Variants in RBBP8 observed in about 807,000 individuals in gnomAD.
RBBP8 encodes RB binding protein 8, endonuclease, also known as DNA endonuclease RBBP8.
Under a neutral mutation model 108.3 loss-of-function variants are expected in RBBP8, and 88 were observed. The observed-to-expected ratio is 0.81, with a 90% confidence interval of 0.68 to 0.97. RBBP8 has a LOEUF of 0.97. RBBP8 is among the 50% of genes least tolerant of loss of function. The pLI is 0.00. For missense variants in RBBP8, 1,023 were observed against 1,049.0 expected (o/e 0.98, Z 0.34); for synonymous variants, 332 against 348.2 (o/e 0.95, Z 0.52).
At chr18:23,018,101 G>C (rs2046292183) in intron 17 of RBBP8, among the ~76,000 whole-genome samples, 2 of 151,258 alleles carry the variant, frequency 1.3e-5, no homozygotes, top group Admixed American at 6.6e-5. Flanking sequence ...GCCTAGGCTG[G>C]AGCACAATAG....
At chr18:22,976,151 T>C (rs1914482518) in intron 6 of RBBP8, among the ~76,000 whole-genome samples, 1 of 152,146 alleles carries the variant, frequency 6.6e-6, no homozygotes, top group Admixed American at 6.5e-5. Flanking sequence ...ATCTCACAAG[T>C]AGAATTATCA....
At chr18:23,005,952 C>T (rs1039046608) in intron 15 of RBBP8, among the ~76,000 whole-genome samples, 12 of 151,686 alleles carry the variant, frequency 7.9e-5, no homozygotes, top group African/African-American at 2.9e-4. Flanking sequence ...TTTGGGAGGC[C>T]GAGGCGGGCG....
intron 8 of RBBP8, among the ~76,000 whole-genome samples, chr18:22,988,389 A>T (rs1208712922): frequency 6.6e-6 from 1 of 152,220 alleles, no homozygotes; most frequent in Non-Finnish European, 1.5e-5. Flanking sequence ...TTTGACTTCT[A>T]GCAGTCAAAC....
At chr18:22,920,840 C>T (rs2144335469) in intron 3 of RBBP8, 1 of 152,246 alleles carries the variant, frequency 6.6e-6, no homozygotes, top group Non-Finnish European at 1.5e-5. Context: ...GTTGGTAGAT[C>T]CTAGGAGAGC....
At chr18:22,975,078 A>T in intron 5 of RBBP8, 75 bp from the exon 6 acceptor site, 1 of 1,463,416 alleles carries the variant, frequency 6.8e-7, no homozygotes, top group East Asian at 2.5e-5. Flanking sequence ...ACATGCTGAC[A>T]TATTTTATTT....
intron 16 of RBBP8, among the ~76,000 whole-genome samples, chr18:23,006,692 G>C (rs550696813): frequency 6.6e-6 from 1 of 152,128 alleles, no homozygotes; most frequent in Non-Finnish European, 1.5e-5. Context: ...TGTAGAGACA[G>C]GGTTTCACCA....
rs775829815 is a variant in RBBP8 at position 23,022,111 on chromosome 18, AC to A, written c.2455-16del. 7.6e-6 allele frequency: 12 copies of A among 1,568,732 alleles called. No homozygotes were observed. The highest frequency in any genetic ancestry group is 8.8e-6 in the Non-Finnish European group (10 of 1,139,022). Reference sequence around the variant, plus strand: ...TTATTATTCTTTAGTGAAAAAACTTACCAGTTTTTATTATTAGTATTATGCA... The same window carrying A: ...TTATTATTCTTTAGTGAAAAAACTTACAGTTTTTATTATTAGTATTATGCA... On this transcript the variant is annotated splice_polypyrimidine_tract_variant and intron_variant, in intron 17 of 18. Transcript: ENST00000327155.
intron 15 of RBBP8, among the ~76,000 whole-genome samples, chr18:23,003,793 T>C (rs1332105941): frequency 6.6e-6 from 1 of 152,094 alleles, no homozygotes; most frequent in East Asian, 1.9e-4. Flanking sequence ...TAGAAAATGA[T>C]ATGAAGATTC....
intron 4 of RBBP8, among the ~76,000 whole-genome samples, chr18:22,963,222 GT>G (rs780310849): frequency 1.3e-5 from 2 of 150,032 alleles, no homozygotes; most frequent in African/African-American, 2.4e-5. Context: ...TGACTTAGGT[GT>G]TTTTTTTTCT....
intron 9 of RBBP8, 115 bp from the exon 10 acceptor site, chr18:22,990,822 C>T: frequency 1.4e-6 from 1 of 732,506 alleles, no homozygotes; most frequent in Admixed American, 2.2e-5. Flanking sequence ...CTTTGTCTGG[C>T]TTCTTAGTAT....
chr18:22,990,901 C>A, intron 9 of RBBP8, 36 bp from the exon 10 acceptor site: 1 of 1,468,014 alleles, frequency 6.8e-7, no homozygotes, highest in Non-Finnish European at 9.5e-7. Flanking sequence ...GAACAAATCC[C>A]ATTACATGGA....
At chr18:22,968,651 A>G (rs1228129777) in intron 4 of RBBP8, among the ~76,000 whole-genome samples, 155 bp from the exon 5 acceptor site, 5 of 152,230 alleles carry the variant, frequency 3.3e-5, no homozygotes, top group Non-Finnish European at 7.3e-5. Flanking sequence ...ATTTCAGCCT[A>G]TATAAGAATA....
At chr18:22,986,265 G>A (rs1000038774) in intron 8 of RBBP8, among the ~76,000 whole-genome samples, 10 of 152,184 alleles carry the variant, frequency 6.6e-5, no homozygotes, top group African/African-American at 1.9e-4. Flanking sequence ...GAGAGAGGAC[G>A]AAGAGGTGAT....
At chr18:22,931,743 C>T (rs966781820), upstream of RBBP8, among the ~76,000 whole-genome samples, 1 of 152,124 alleles carries the variant, frequency 6.6e-6, no homozygotes, top group African/African-American at 2.4e-5. Flanking sequence ...AGTCCAAAGT[C>T]ACTCAGTAAG....
At chr18:22,984,676 A>G (rs187355581) in intron 7 of RBBP8, among the ~76,000 whole-genome samples, 22 of 152,280 alleles carry the variant, frequency 1.4e-4, no homozygotes, top group Non-Finnish European at 2.5e-4. Flanking sequence ...CTCTCTCCCA[A>G]TGTCTTAACT....
At chr18:22,999,093 A>C (rs1241231683) in intron 14 of RBBP8, among the ~76,000 whole-genome samples, 1 of 152,218 alleles carries the variant, frequency 6.6e-6, no homozygotes, top group Admixed American at 6.5e-5. Flanking sequence ...ATTTGATGCA[A>C]GTATCATGTG....
chr18:22,963,896 C>G (rs2049666806), intron 4 of RBBP8, among the ~76,000 whole-genome samples: 1 of 151,280 alleles, frequency 6.6e-6, no homozygotes, highest in African/African-American at 2.4e-5. Context: ...GACCTTGTCT[C>G]AAAAAAAGAG....
At chr18:22,959,514 A>G (rs1040835343) in intron 4 of RBBP8, among the ~76,000 whole-genome samples, 2 of 151,816 alleles carry the variant, frequency 1.3e-5, no homozygotes, top group Non-Finnish European at 2.9e-5. Context: ...CACTTTCTCT[A>G]TTTTTTAATG....
chr18:22,975,098 A>T, intron 5 of RBBP8, 55 bp from the exon 6 acceptor site: 1 of 1,523,648 alleles, frequency 6.6e-7, no homozygotes, highest in South Asian at 1.2e-5. Context: ...TGAAAGCCTA[A>T]CATAGATGTT....
Sources: allele counts gnomAD v4.1 joint callset (sites outside exome capture counted in the v4.1 genomes callset), GRCh38; gene constraint gnomAD v4.1.1; transcripts MANE v1.5; gene names NCBI Gene and HGNC (gene_info 2026-07-23, HGNC 2026-07-21).